The following EBF1 variants were observed in gnomAD, a reference collection of about 807,000 sequenced individuals.
The protein encoded by EBF1 is transcription factor COE1.
EBF1 carries 10 observed loss-of-function variants against 68.4 expected under a neutral mutation model. That is an observed-to-expected ratio of 0.15 (90% confidence interval 0.09 to 0.25). EBF1 has a LOEUF of 0.25. Among genes scored for constraint, EBF1 ranks in the 10% least tolerant of loss-of-function variants. The probability of loss-of-function intolerance (pLI) is 1.00; values close to 1 mark genes in which losing one functional copy is unlikely to be tolerated. For missense variants in EBF1, 509 were observed against 794.4 expected, an observed-to-expected ratio of 0.64 and a Z score of 4.32; for synonymous variants, 298 against 299.8, an observed-to-expected ratio of 0.99 and a Z score of 0.06.
chr5:159,082,294 G>A (rs1779879817), intron 5 of EBF1, among the ~76,000 whole-genome samples: 1 of 152,128 alleles, frequency 6.6e-6, no homozygotes, highest in African/African-American at 2.4e-5. Flanking sequence ...AGCTTTGATA[G>A]AAAGCACTGC....
At chr5:158,794,993 G>A (rs769843861) in intron 9 of EBF1, among the ~76,000 whole-genome samples, 2 of 152,122 alleles carry the variant, frequency 1.3e-5, no homozygotes, top group African/African-American at 2.4e-5. Flanking sequence ...TTGATTCTAC[G>A]ACCAAATGCA....
intron 10 of EBF1, among the ~76,000 whole-genome samples, chr5:158,757,209 T>C (rs1367890655): frequency 6.6e-6 from 1 of 152,120 alleles, no homozygotes; most frequent in Non-Finnish European, 1.5e-5. Context: ...GCATGCTACA[T>C]GCATACATCC....
intron 6 of EBF1, among the ~76,000 whole-genome samples, chr5:158,890,699 C>T (rs1458977082): frequency 6.6e-6 from 1 of 152,206 alleles, no homozygotes; most frequent in Non-Finnish European, 1.5e-5. Context: ...CACCCTGCTG[C>T]TAAGCCTGGT....
intron 6 of EBF1, among the ~76,000 whole-genome samples, chr5:159,034,063 G>A (rs1390616741): frequency 1.3e-5 from 2 of 152,060 alleles, no homozygotes; most frequent in Non-Finnish European, 1.5e-5. Context: ...CATACATTGA[G>A]GCCATCTTGA....
chr5:158,770,205 T>C (rs1056913633), intron 10 of EBF1, among the ~76,000 whole-genome samples: 4 of 152,000 alleles, frequency 2.6e-5, no homozygotes. Context: ...TCTAGCAGCT[T>C]TAACCCCTCT....
At chr5:158,957,819 A>C (rs1457734389) in intron 6 of EBF1, among the ~76,000 whole-genome samples, 2 of 152,200 alleles carry the variant, frequency 1.3e-5, no homozygotes, top group African/African-American at 4.8e-5. Flanking sequence ...AATACCCCTA[A>C]TGCAGAAAAG....
intron 6 of EBF1, among the ~76,000 whole-genome samples, chr5:159,072,569 T>C (rs1370011287): frequency 1.3e-5 from 2 of 152,228 alleles, no homozygotes; most frequent in African/African-American, 4.8e-5. Context: ...GCTCTTTTCC[T>C]AGCTGACAAT....
chr5:158,787,073 G>A (rs550755006), intron 9 of EBF1, among the ~76,000 whole-genome samples: 4 of 152,286 alleles, frequency 2.6e-5, no homozygotes, highest in African/African-American at 7.2e-5. Context: ...GGAACTCAGA[G>A]ATGTAATAAA....
intron 6 of EBF1, among the ~76,000 whole-genome samples, chr5:158,981,759 G>A (rs1405613924): frequency 6.6e-6 from 1 of 152,072 alleles, no homozygotes; most frequent in Non-Finnish European, 1.5e-5. Context: ...GGCGCAAGAA[G>A]CTACAGTTAC....
chr5:158,840,136 T>C (rs1173128454), intron 6 of EBF1, 26 bp from the exon 7 acceptor site: 1 of 1,592,076 alleles, frequency 6.3e-7, no homozygotes, highest in Admixed American at 1.7e-5. Context: ...TCATCATGGT[T>C]AGCATTTCGG....
At chr5:159,023,198 A>G (rs539608969) in intron 6 of EBF1, among the ~76,000 whole-genome samples, 216 of 152,274 alleles carry the variant, frequency 1.4e-3, no homozygotes, top group African/African-American at 5.1e-3. Context: ...ACTAAAAAAA[A>G]AAAAAAGCTA....
intron 10 of EBF1, among the ~76,000 whole-genome samples, chr5:158,773,745 A>C (rs914792814): frequency 6.6e-6 from 1 of 152,198 alleles, no homozygotes; most frequent in Non-Finnish European, 1.5e-5. Flanking sequence ...AAGGTGCCTA[A>C]GAGTCTTTTA....
chr5:159,010,935 C>T (rs1764534965), intron 6 of EBF1, among the ~76,000 whole-genome samples: 1 of 152,342 alleles, frequency 6.6e-6, no homozygotes, highest in East Asian at 1.9e-4. Context: ...CTTCTGTTTA[C>T]AGAGAAGGAA....
intron 9 of EBF1, among the ~76,000 whole-genome samples, chr5:158,793,093 T>C (rs1039756532): frequency 3.3e-5 from 5 of 152,238 alleles, no homozygotes; most frequent in Non-Finnish European, 5.9e-5. Flanking sequence ...ACTTGGCAAC[T>C]GAACCACTTA....
At chr5:159,070,431 T>C (rs890501217) in intron 6 of EBF1, among the ~76,000 whole-genome samples, 4 of 152,194 alleles carry the variant, frequency 2.6e-5, no homozygotes, top group African/African-American at 9.6e-5. Context: ...AACTGCTGAT[T>C]TTGTTAATTC....
At chr5:159,035,595 T>C (rs1769876384) in intron 6 of EBF1, among the ~76,000 whole-genome samples, 1 of 152,236 alleles carries the variant, frequency 6.6e-6, no homozygotes, top group Non-Finnish European at 1.5e-5. Flanking sequence ...CTGTAGACTT[T>C]GTACAATTCA....
At chr5:158,966,223 A>T (rs1464908031) in intron 6 of EBF1, among the ~76,000 whole-genome samples, 2 of 152,214 alleles carry the variant, frequency 1.3e-5, no homozygotes, top group African/African-American at 2.4e-5. Flanking sequence ...CTTCACACCC[A>T]ACTTTCCCTT....
rs544745373 is a variant in EBF1, at chr5:159,054,112, ATAGT to A, written c.554+19280_554+19283del. 4.4e-3 allele frequency among the ~76,000 whole-genome samples: 676 copies of A among 152,368 alleles called. 2 individuals carry two copies. Among genetic ancestry groups the A allele is most frequent in the Middle Eastern group, 0.024 (7 of 294 alleles). On this transcript the variant is annotated intron_variant, in intron 6 of 15. Transcript: ENST00000313708. ...TCCAGAGACATATGGATTTCTTTTA[ATAGT>A]TAGTCTTATTTCTTTGCTTTTTATA...
At chr5:158,973,003 T>C (rs1487063824) in intron 6 of EBF1, among the ~76,000 whole-genome samples, 1 of 152,252 alleles carries the variant, frequency 6.6e-6, no homozygotes, top group Non-Finnish European at 1.5e-5. Flanking sequence ...GTATTTAAAA[T>C]GACAACTTCA....
Sources: gnomAD v4.1 joint callset for allele counts (sites outside exome capture counted in the v4.1 genomes callset) on GRCh38, gnomAD v4.1.1 for gene constraint, MANE v1.5 for transcripts, NCBI Gene and HGNC (gene_info 2026-07-23, HGNC 2026-07-21) for gene names.